The following RAB11FIP2 variants were observed in gnomAD, a reference collection of about 807,000 sequenced individuals.
RAB11FIP2 encodes rab11 family-interacting protein 2.
RAB11FIP2 carries 16 observed loss-of-function variants against 40.9 expected under a neutral mutation model. The ratio of observed to expected loss-of-function variants is 0.39; its 90% CI spans 0.26 to 0.59. The LOEUF (loss-of-function observed/expected upper bound fraction) is 0.59, where lower values mean the gene tolerates loss of function less well. Among genes scored for constraint, RAB11FIP2 ranks in the 20% least tolerant of loss-of-function variants. The probability of loss-of-function intolerance (pLI) is 0.53; values close to 1 mark genes in which losing one functional copy is unlikely to be tolerated. For synonymous variants in RAB11FIP2, 228 were observed against 213.7 expected (o/e 1.07, Z -0.58); for missense variants, 532 against 606.2 (o/e 0.88, Z 1.28).
At chr10:118,024,131 A>T (rs1043725083) in intron 3 of RAB11FIP2, among the ~76,000 whole-genome samples, 3 of 151,872 alleles carry the variant, frequency 2.0e-5, no homozygotes, top group Non-Finnish European at 4.4e-5. Context: ...TAATTATTTC[A>T]AAGACAGTCA....
chr10:118,018,874 C>T (rs1046623110), intron 3 of RAB11FIP2, among the ~76,000 whole-genome samples: 11 of 152,192 alleles, frequency 7.2e-5, no homozygotes, highest in South Asian at 4.1e-4. Flanking sequence ...GTAATCACTA[C>T]GGCATGTGGC....
chr10:118,012,951 G>A (rs1846175147), intron 4 of RAB11FIP2, among the ~76,000 whole-genome samples: 1 of 152,026 alleles, frequency 6.6e-6, no homozygotes, highest in African/African-American at 2.4e-5. Flanking sequence ...GGACTGGTAA[G>A]AAAATATTAG....
intron 3 of RAB11FIP2, among the ~76,000 whole-genome samples, chr10:118,023,669 C>T (rs189912933): frequency 6.1e-4 from 93 of 152,256 alleles, no homozygotes; most frequent in African/African-American, 2.1e-3. Flanking sequence ...GACCTAGCTG[C>T]TTTTCCATAA....
intron 3 of RAB11FIP2, among the ~76,000 whole-genome samples, chr10:118,032,532 C>T (rs1054159165): frequency 1.3e-5 from 2 of 152,002 alleles, no homozygotes; most frequent in Non-Finnish European, 2.9e-5. Context: ...GCAAGCAGAG[C>T]TAATATGACT....
At chr10:118,014,972 A>G (rs957725389) in intron 4 of RAB11FIP2, 93 bp downstream of exon 4, 1 of 1,056,074 alleles carries the variant, frequency 9.5e-7, no homozygotes, top group Non-Finnish European at 1.4e-6. Context: ...AGTGAGGCAG[A>G]AGGCAAGAAG....
intron 3 of RAB11FIP2, among the ~76,000 whole-genome samples, chr10:118,026,149 T>C (rs534821957): frequency 6.6e-6 from 1 of 152,278 alleles, no homozygotes; most frequent in South Asian, 2.1e-4. Flanking sequence ...CACCCTAATA[T>C]ACACTGTCTG....
intron 2 of RAB11FIP2, chr10:118,039,649 C>A (rs1846528660): frequency 3.6e-6 from 2 of 561,974 alleles, no homozygotes; most frequent in South Asian, 2.3e-5. Flanking sequence ...TATTGCTAGA[C>A]CATTAGTAAT....
At chr10:118,020,061 T>G (rs562278693) in intron 3 of RAB11FIP2, among the ~76,000 whole-genome samples, 11 of 152,292 alleles carry the variant, frequency 7.2e-5, no homozygotes, top group African/African-American at 2.6e-4. Flanking sequence ...ACTTAATCCT[T>G]GTAACAATCC....
intron 4 of RAB11FIP2, among the ~76,000 whole-genome samples, chr10:118,011,611 T>C (rs377521488): frequency 2.4e-4 from 37 of 152,224 alleles, no homozygotes; most frequent in African/African-American, 8.7e-4. Flanking sequence ...CTGCATAAAT[T>C]TGAGAGAGAA....
intron 3 of RAB11FIP2, among the ~76,000 whole-genome samples, chr10:118,022,061 G>T (rs1409817314): frequency 3.3e-5 from 5 of 152,156 alleles, no homozygotes; most frequent in Admixed American, 6.5e-5. Context: ...ATGTCTTTTA[G>T]AACAGTTCTG....
intron 3 of RAB11FIP2, among the ~76,000 whole-genome samples, chr10:118,025,826 C>G (rs957028015): frequency 8.5e-5 from 13 of 152,156 alleles, no homozygotes; most frequent in Non-Finnish European, 1.5e-4. Flanking sequence ...TCCTTCGAGA[C>G]TTTTAGTTCT....
At position 118,015,005 on chromosome 10, in the gene RAB11FIP2, G is replaced by A. The variant is rs544149962; in HGVS notation, c.1311+60C>T. The A allele has an allele frequency of 1.5e-5, 21 of 1,419,204 alleles. No homozygotes were observed. The Admixed American group carries it at 3.7e-4, about 25-fold the overall frequency. 87.9% of individuals were successfully genotyped at this position (1,419,204 alleles called of 1,614,324 possible). ...AAGACAAAGGCATTTTTAGAAATGTGTGCCAGAGAAAAAGACCAGCTTACT... is the reference window on the plus strand; with the variant it reads ...AAGACAAAGGCATTTTTAGAAATGTATGCCAGAGAAAAAGACCAGCTTACT... On this transcript the variant is annotated intron_variant, in intron 4 of 4. Transcript: ENST00000355624.
At chr10:118,024,515 A>G (rs1589642348) in intron 3 of RAB11FIP2, among the ~76,000 whole-genome samples, 1 of 73,322 alleles carries the variant, frequency 1.4e-5, no homozygotes, top group Non-Finnish European at 3.2e-5. Context: ...GTGTGTGTAA[A>G]CAAGTCCTGT....
intron 3 of RAB11FIP2, among the ~76,000 whole-genome samples, chr10:118,019,710 T>C (rs1846260727): frequency 2.0e-5 from 3 of 151,788 alleles, no homozygotes; most frequent in South Asian, 2.1e-4. Flanking sequence ...CCTGTAGTCC[T>C]AGCTACTCGG....
At chr10:118,041,589 A>C (rs1000196924) in intron 1 of RAB11FIP2, among the ~76,000 whole-genome samples, 1 of 152,170 alleles carries the variant, frequency 6.6e-6, no homozygotes, top group Non-Finnish European at 1.5e-5. Flanking sequence ...ATTCCTGCAC[A>C]CAGGTTATTA....
chr10:118,036,027 T>C (rs1846477010), intron 3 of RAB11FIP2, among the ~76,000 whole-genome samples: 1 of 152,164 alleles, frequency 6.6e-6, no homozygotes, highest in African/African-American at 2.4e-5. Flanking sequence ...TCCAAAGTGC[T>C]TTCTTCAGGC....
chr10:118,018,543 ACTTAC>A (rs1166376389), intron 3 of RAB11FIP2, among the ~76,000 whole-genome samples: 1 of 152,246 alleles, frequency 6.6e-6, no homozygotes, highest in Non-Finnish European at 1.5e-5. Flanking sequence ...AAATAAAATG[ACTTAC>A]CTTAACATTC....
chr10:118,017,214 T>C (rs1399514999), intron 3 of RAB11FIP2, among the ~76,000 whole-genome samples: 2 of 152,162 alleles, frequency 1.3e-5, no homozygotes, highest in Non-Finnish European at 2.9e-5. Context: ...CCTAGCCCCA[T>C]TCCCTGTATA....
Position 118,046,276 on chromosome 10 carries a change from G to A in RAB11FIP2, c.-113C>T, listed in dbSNP as rs566891422. On this transcript the variant is annotated 5_prime_UTR_variant, in exon 1 of 5. Coordinates refer to ENST00000355624, the MANE Select transcript of RAB11FIP2 (RefSeq NM_014904.3). ...AAGGACACTTAACGGAAACAGGCAG[G>A]CTCAGGGCTCCCCGACTTCCCTATG... 6.6e-4 allele frequency: 629 copies of A among 951,552 alleles called. 8 individuals are homozygous for A. The South Asian group carries it at 9.5e-3, about 14-fold the overall frequency. The allele number at this position is 951,552 out of a possible 1,614,324, so 58.9% of individuals were successfully genotyped here.
Sources: gnomAD v4.1 joint callset for allele counts (sites outside exome capture counted in the v4.1 genomes callset) on GRCh38, gnomAD v4.1.1 for gene constraint, MANE v1.5 for transcripts, NCBI Gene and HGNC (gene_info 2026-07-23, HGNC 2026-07-21) for gene names.